Variants in IQUB observed in about 807,000 individuals in gnomAD.
IQUB encodes the protein IQ motif and ubiquitin domain containing.
IQUB carries 86 observed loss-of-function variants against 86.4 expected under a neutral mutation model. The ratio of observed to expected loss-of-function variants is 1.00; its 90% CI spans 0.84 to 1.19. The LOEUF (loss-of-function observed/expected upper bound fraction) is 1.19. IQUB is among the 50% of genes most tolerant of loss of function. The pLI is 0.00. For missense variants in IQUB, 946 were observed against 916.9 expected (o/e 1.03, Z -0.41); for synonymous variants, 289 against 304.5 (o/e 0.95, Z 0.53).
Position 123,512,324 on chromosome 7 carries a change from TC to T in IQUB, c.16del (p.Glu6ArgfsTer8). 1 of 1,564,506 alleles carries T rather than the reference TC, an allele frequency of 6.4e-7. No individual in the cohort carries two copies. The highest frequency in any genetic ancestry group is 8.7e-7 in the Non-Finnish European group (1 of 1,148,384). On this transcript the variant is annotated frameshift_variant, in exon 2 of 13. Coordinates refer to ENST00000324698, the MANE Select transcript of IQUB (RefSeq NM_178827.5). LOFTEE classifies it high-confidence loss of function. Reference sequence around the variant, plus strand: ...GACTATATTCTGAGCTTCATACTTCTCCTGTTGATTAGACATTTTCCTGAAT... The same window carrying T: ...GACTATATTCTGAGCTTCATACTTCTCTGTTGATTAGACATTTTCCTGAAT... MSNQQ[E>X]KYEAQNIVNS...
At chr7:123,525,014 C>T (rs1015383000) in intron 1 of IQUB, among the ~76,000 whole-genome samples, 19 of 152,196 alleles carry the variant, frequency 1.2e-4, no homozygotes, top group African/African-American at 4.1e-4. Flanking sequence ...TATTGATTTG[C>T]GTATATTGAA....
intron 7 of IQUB, among the ~76,000 whole-genome samples, chr7:123,480,194 G>T (rs547066777): frequency 7.4e-4 from 113 of 152,228 alleles, no homozygotes; most frequent in African/African-American, 2.6e-3. Context: ...AAACAGTACA[G>T]TTGATGTCAA....
At chr7:123,490,286 A>G (rs1487600363) in intron 7 of IQUB, among the ~76,000 whole-genome samples, 2 of 152,172 alleles carry the variant, frequency 1.3e-5, no homozygotes, top group Non-Finnish European at 2.9e-5. Flanking sequence ...ACAGCAAAAA[A>G]TATCATAAGG....
At chr7:123,495,267 T>C (rs1795657534) in intron 7 of IQUB, among the ~76,000 whole-genome samples, 2 of 152,102 alleles carry the variant, frequency 1.3e-5, no homozygotes, top group African/African-American at 4.8e-5. Flanking sequence ...CCATAAGCTA[T>C]AAATATTCCT....
At chr7:123,530,280 C>CA (rs1410547598) in intron 1 of IQUB, among the ~76,000 whole-genome samples, 2 of 149,134 alleles carry the variant, frequency 1.3e-5, no homozygotes, top group South Asian at 2.1e-4. Flanking sequence ...TACTAAAATA[C>CA]AAAAAATTAG....
At chr7:123,488,527 A>G (rs1795318496) in intron 7 of IQUB, among the ~76,000 whole-genome samples, 1 of 152,180 alleles carries the variant, frequency 6.6e-6, no homozygotes, top group African/African-American at 2.4e-5. Flanking sequence ...AGGCCATGGA[A>G]GAAGTGAACA....
chr7:123,478,308 A>G (rs1450465644), intron 8 of IQUB, among the ~76,000 whole-genome samples: 1 of 152,168 alleles, frequency 6.6e-6, no homozygotes, highest in Non-Finnish European at 1.5e-5. Context: ...TATTCTGAGC[A>G]AACTACCACA....
intron 12 of IQUB, chr7:123,457,137 C>G (rs1793734607): frequency 1.0e-6 from 1 of 969,034 alleles, no homozygotes; most frequent in Non-Finnish European, 1.2e-6. Flanking sequence ...TGTGCTTAAA[C>G]TTACTATTAG....
chr7:123,528,508 A>G lies in IQUB; in HGVS notation c.-5+5984T>C, dbSNP rs192476882. ...AGAGCTAGTAGGCAGTATATCTGGG[A>G]TCCAAATCCAGGCAGTCTGGATCCA... is the stretch of plus-strand genomic sequence containing the variant. On this transcript the variant is annotated intron_variant, in intron 1 of 12. Transcript: ENST00000324698. Among the ~76,000 whole-genome samples, 33 of 152,322 alleles carry G rather than the reference A, an allele frequency of 2.2e-4. No individual in the cohort carries two copies. The East Asian group carries it at 6.2e-3, about 28-fold the overall frequency.
At position 123,461,239 on chromosome 7, in the gene IQUB, G is replaced by A. The variant is rs1377430444; in HGVS notation, c.2007+118C>T. On this transcript the variant is annotated intron_variant, in intron 11 of 12. Transcript: ENST00000324698. Reference sequence around the variant, plus strand: ...TACTCCTGCCCTCACAGAGCTTACAGTCTAGTGGAATAGAGAGTCATTAAA... The same window carrying A: ...TACTCCTGCCCTCACAGAGCTTACAATCTAGTGGAATAGAGAGTCATTAAA... The A allele has an allele frequency of 5.8e-6, 6 of 1,039,292 alleles. No individual in the cohort carries two copies. In the Admixed American group the frequency reaches 1.1e-4, roughly 20 times the overall value. The allele number at this position is 1,039,292 out of a possible 1,614,324, so 64.4% of individuals were successfully genotyped here.
chr7:123,529,252 ATTTG>A (rs1797404956), intron 1 of IQUB, among the ~76,000 whole-genome samples: 1 of 152,034 alleles, frequency 6.6e-6, no homozygotes. Flanking sequence ...ATACATTTAA[ATTTG>A]TTTATGATCA....
At chr7:123,521,651 AACACACACAC>A (rs150359350) in intron 1 of IQUB, among the ~76,000 whole-genome samples, 3 of 144,310 alleles carry the variant, frequency 2.1e-5, no homozygotes, top group African/African-American at 2.6e-5. Context: ...TGTCTAAATA[AACACACACAC>A]ACACACACAC....
At chr7:123,466,932 C>A (rs999021947) in intron 9 of IQUB, among the ~76,000 whole-genome samples, 6 of 151,958 alleles carry the variant, frequency 3.9e-5, no homozygotes, top group Non-Finnish European at 5.9e-5. Flanking sequence ...TTAGTTAATA[C>A]CGATGATCAC....
intron 3 of IQUB, among the ~76,000 whole-genome samples, chr7:123,503,761 A>G (rs1017949452): frequency 1.3e-5 from 2 of 151,898 alleles, no homozygotes; most frequent in African/African-American, 4.8e-5. Flanking sequence ...ATAGGAACAC[A>G]TATCGTTTAA....
At chr7:123,509,805 G>T in intron 3 of IQUB, 96 bp downstream of exon 3, 1 of 1,037,048 alleles carries the variant, frequency 9.6e-7, no homozygotes, top group Non-Finnish European at 1.4e-6. Context: ...TGTTCAATTA[G>T]TACCAAGATA....
chr7:123,526,300 AG>A (rs1278608097), intron 1 of IQUB, among the ~76,000 whole-genome samples: 2 of 151,644 alleles, frequency 1.3e-5, no homozygotes, highest in Non-Finnish European at 2.9e-5. Context: ...TTGACAGTGG[AG>A]TGTTAAAGTC....
At chr7:123,457,257 C>T in intron 12 of IQUB, 124 bp downstream of exon 12, 8 of 1,426,770 alleles carry the variant, frequency 5.6e-6, no homozygotes, top group South Asian at 3.1e-5. Context: ...GTTGTTAATC[C>T]ATAAGTTCTG....
chr7:123,465,048 A>G, intron 9 of IQUB, 39 bp from the exon 10 acceptor site: 1 of 1,330,168 alleles, frequency 7.5e-7, no homozygotes, highest in Non-Finnish European at 1.0e-6. Flanking sequence ...AAAATTTTAC[A>G]AATCACTAAG....
rs369242059 is a variant in IQUB at position 123,506,048 on chromosome 7, C to T, written c.533-2685G>A. Among the ~76,000 whole-genome samples the T allele has an allele frequency of 1.8e-3, 275 of 152,292 alleles. 12 individuals carry two copies. The South Asian group carries it at 0.044, about 25-fold the overall frequency. On this transcript the variant is annotated intron_variant, in intron 3 of 12. Coordinates refer to ENST00000324698, the MANE Select transcript of IQUB (RefSeq NM_178827.5). ...TACCCTAAATCACCACTTTCAAGTTCAAAGTTCCACAGATCCCTAGAGCAA... is the reference window on the plus strand; with the variant it reads ...TACCCTAAATCACCACTTTCAAGTTTAAAGTTCCACAGATCCCTAGAGCAA...
Sources: allele counts gnomAD v4.1 joint callset (sites outside exome capture counted in the v4.1 genomes callset), GRCh38; gene constraint gnomAD v4.1.1; transcripts MANE v1.5; gene names NCBI Gene and HGNC (gene_info 2026-07-23, HGNC 2026-07-21).